HECTD4: variants seen among roughly 807,000 people sequenced by gnomAD.
HECTD4 encodes probable E3 ubiquitin-protein ligase HECTD4.
HECTD4 carries 114 observed loss-of-function variants against 471.5 expected under a neutral mutation model. The observed-to-expected ratio is 0.24, with a 90% confidence interval of 0.21 to 0.28. The LOEUF (loss-of-function observed/expected upper bound fraction) is 0.28, where lower values mean the gene tolerates loss of function less well. Ranked by LOEUF, HECTD4 falls within the 10% of genes least tolerant of loss-of-function variation. The pLI is 1.00. For missense variants in HECTD4, 3,866 were observed against 5,651.5 expected (o/e 0.68, Z 10.13); for synonymous variants, 2,012 against 2,256.0 (o/e 0.89, Z 3.07).
chr12:112,377,456 T>C lies in HECTD4; in HGVS notation c.177+4496A>G, dbSNP rs2036803767. Among the ~76,000 whole-genome samples the C allele has an allele frequency of 1.3e-5, 2 of 152,216 alleles. 1 individual carries two copies. Among genetic ancestry groups the C allele is most frequent in the South Asian group, 4.1e-4 (2 of 4,832 alleles). On this transcript the variant is annotated intron_variant, in intron 1 of 75. Coordinates refer to ENST00000682272, the MANE Select transcript of HECTD4 (RefSeq NM_001388303.1). Reference sequence around the variant, plus strand: ...AGGACAAGGATTTTATTTTATCCACTGCTATATCCCCAACATCCAGGACGG... The same window carrying C: ...AGGACAAGGATTTTATTTTATCCACCGCTATATCCCCAACATCCAGGACGG...
intron 13 of HECTD4, among the ~76,000 whole-genome samples, chr12:112,268,876 T>G (rs1198156991): frequency 7.8e-6 from 1 of 128,664 alleles, no homozygotes; most frequent in Non-Finnish European, 1.7e-5. Context: ...AGGTTTTTTT[T>G]TTTTTTTTTT....
In HECTD4 at chr12:112,163,562, T is replaced by C; in HGVS notation, c.12877A>G (p.Ile4293Val). The change falls in exon 74 of 76, where the codon ATC becomes GTC. Residue 4293 changes from isoleucine to valine, a missense_variant. Physicochemically the swap from Ile to Val is conservative, Grantham distance 29. This residue lies in a region of HECTD4 where 715 missense variants were observed against 1,087.6 expected (regional missense o/e 0.66). Coordinates refer to ENST00000682272, the MANE Select transcript of HECTD4 (RefSeq NM_001388303.1). The surrounding 1 kb of genome is among the most constrained non-coding windows in gnomAD (Gnocchi z 8.2). ...MELRTCGLPY[I>V]NLEFLKAHTM... is the part of the protein sequence containing the mutation. ...TCTACCTTGAGGAACTCGAGGTTGA[T>C]GTAGGGGAGGCCGCAGGTGCGCAGC... 1.3e-6 allele frequency: 2 copies of C among 1,487,658 alleles called. No homozygotes were observed. The highest frequency in any genetic ancestry group is 1.4e-5 in the South Asian group (1 of 73,846). The allele number at this position is 1,487,658 out of a possible 1,614,324, so 92.2% of individuals were successfully genotyped here. A position where few individuals can be genotyped will look rare whatever the true frequency, so the allele number is the denominator to read the frequency against.
chr12:112,247,028 G>C lies in HECTD4; in HGVS notation c.4386C>G (p.His1462Gln). Residue 1462 changes from histidine (H) to glutamine (Q), a missense_variant, in exon 29 of 76, where the codon CAC (histidine) becomes CAG (glutamine). His to Gln is a conservative substitution (Grantham distance 24, BLOSUM62 0). Coordinates refer to ENST00000682272, the MANE Select transcript of HECTD4 (RefSeq NM_001388303.1). ...CTAACGTCTTTGTTTTAGCCAGTGG[G>C]TGTGAGGGTTTCTGAATAAGAGAAT... ...EVNSLIQKPS[H>Q]PLAKTKTLVK... 6.2e-7 allele frequency: 1 copy of C among 1,610,840 alleles called. No homozygotes were observed. The highest frequency in any genetic ancestry group is 8.5e-7 in the Non-Finnish European group (1 of 1,179,190).
chr12:112,216,731 G>C (rs1025638045), intron 47 of HECTD4, 42 bp downstream of exon 47: 5 of 1,599,472 alleles, frequency 3.1e-6, no homozygotes, highest in African/African-American at 2.7e-5. Context: ...CCTTGTGGGA[G>C]GCTACTGCTC....
rs1220721903 is a variant in HECTD4 at position 112,229,765 on chromosome 12, T to C, written c.6452A>G (p.Gln2151Arg). 2 of 1,613,944 alleles carry C rather than the reference T, an allele frequency of 1.2e-6. No individual in the cohort carries two copies. Among genetic ancestry groups the C allele is most frequent in the Admixed American group, 1.7e-5 (1 of 60,006 alleles). The change falls in exon 41 of 76, where the codon CAG (glutamine) becomes CGG (arginine). Residue 2151 changes from glutamine to arginine, a missense_variant. Gln to Arg is a conservative substitution (Grantham distance 43, BLOSUM62 1). This residue lies in a region of HECTD4 where 617 missense variants were observed against 915.1 expected (regional missense o/e 0.67). Coordinates refer to ENST00000682272, the MANE Select transcript of HECTD4 (RefSeq NM_001388303.1). Reference protein sequence around the residue: ...KLAKLQRIARQAVAALCALGG... With the variant: ...KLAKLQRIARRAVAALCALGG... ...AAGTGCACACAGTGCGGCAACGGCC[T>C]GGCGTGCAATTCTCTGAAGTTTGGC... is the stretch of plus-strand genomic sequence containing the variant.
At chr12:112,356,232 C>G (rs2036335152) in intron 1 of HECTD4, among the ~76,000 whole-genome samples, 1 of 151,958 alleles carries the variant, frequency 6.6e-6, no homozygotes, top group African/African-American at 2.4e-5. Context: ...ATACTCTAAT[C>G]CAAAAAATAT....
At chr12:112,313,172 CAA>C in intron 3 of HECTD4, 25 bp from the exon 4 acceptor site, 2 of 1,527,734 alleles carry the variant, frequency 1.3e-6, no homozygotes, top group Non-Finnish European at 1.8e-6. Flanking sequence ...AAGAAAATCA[CAA>C]AGACACTGAG....
chr12:112,309,487 G>T (rs2035332233), intron 5 of HECTD4, 74 bp downstream of exon 5: 3 of 691,300 alleles, frequency 4.3e-6, no homozygotes. Flanking sequence ...TCTACCCACA[G>T]TGTCTTCTTC....
At chr12:112,218,427 C>T (rs1484239824) in intron 45 of HECTD4, among the ~76,000 whole-genome samples, 3 of 152,172 alleles carry the variant, frequency 2.0e-5, no homozygotes, top group Non-Finnish European at 2.9e-5. Flanking sequence ...GCCCCCACAG[C>T]TCCTGGCAAT....
chr12:112,239,196 G>A lies in HECTD4; in HGVS notation c.5146C>T (p.Leu1716Phe). 1 of 1,613,590 alleles carries A rather than the reference G, an allele frequency of 6.2e-7. No individual in the cohort carries two copies. The change falls in exon 34 of 76, where the codon CTC becomes TTC. Residue 1716 changes from leucine to phenylalanine, a missense_variant. Leu to Phe is a conservative substitution (Grantham distance 22). Around this residue, in one of 16 missense-constraint regions of HECTD4, gnomAD observed 229 missense variants for 386.4 expected, o/e 0.59. Coordinates refer to ENST00000682272, the MANE Select transcript of HECTD4 (RefSeq NM_001388303.1). This position sits in a 1 kb window ranked among gnomAD's most constrained non-coding sequence, Gnocchi z 4.9. ...CTCAAGCTACACAGTCGATCCATGA[G>A]CTGCACAAGGCCACTGCGTACCAGG... Reference protein sequence around the residue: ...KCLVRSGLVQLMDRLCSLSNQ... With the variant: ...KCLVRSGLVQFMDRLCSLSNQ...
chr12:112,327,011 T>C (rs1364219277), intron 1 of HECTD4, among the ~76,000 whole-genome samples: 3 of 152,150 alleles, frequency 2.0e-5, no homozygotes, highest in Admixed American at 6.5e-5. Context: ...GTGGGAAAGG[T>C]AGAAGCAATC....
At chr12:112,350,059 A>T (rs1447731376) in intron 1 of HECTD4, among the ~76,000 whole-genome samples, 2 of 151,886 alleles carry the variant, frequency 1.3e-5, no homozygotes, top group Non-Finnish European at 2.9e-5. Context: ...GACTCAAGTG[A>T]TTTTCCTGCC....
intron 52 of HECTD4, among the ~76,000 whole-genome samples, chr12:112,207,339 C>T (rs1371019663): frequency 8.5e-5 from 13 of 152,058 alleles, no homozygotes; most frequent in African/African-American, 2.9e-4. Context: ...GATGGGGTTT[C>T]GCCATGTTGG....
intron 48 of HECTD4, among the ~76,000 whole-genome samples, chr12:112,214,773 T>A (rs2032866814): frequency 6.6e-6 from 1 of 152,120 alleles, no homozygotes; most frequent in South Asian, 2.1e-4. Context: ...GATGTCTGAG[T>A]TATGCTTTGT....
In HECTD4 at chr12:112,182,017, C is replaced by T. The variant is rs974894509; in HGVS notation, c.10987+1042G>A. On this transcript the variant is annotated intron_variant, in intron 62 of 75. Coordinates refer to ENST00000682272, the MANE Select transcript of HECTD4 (RefSeq NM_001388303.1). ...TGAGGCAGGGAGAATTGCTTGAACC[C>T]AGGAGGTGGAAGTTGCAGTGAGCTG... 2.0e-5 allele frequency among the ~76,000 whole-genome samples: 3 copies of T among 152,134 alleles called. No homozygotes were observed. The South Asian group carries it at 6.2e-4, about 32-fold the overall frequency.
At chr12:112,334,637 C>CAAAAAA (rs869292531) in intron 1 of HECTD4, among the ~76,000 whole-genome samples, 6 of 45,254 alleles carry the variant, frequency 1.3e-4, no homozygotes, top group East Asian at 6.4e-4. Flanking sequence ...ACTAAAAATA[C>CAAAAAA]AAAAAAAAAA....
Position 112,258,526 on chromosome 12 carries a change from T to C in HECTD4, c.3098A>G (p.Asp1033Gly). The C allele has an allele frequency of 2.5e-6, 4 of 1,603,220 alleles. No homozygotes were observed. The highest frequency in any genetic ancestry group is 3.4e-6 in the Non-Finnish European group (4 of 1,175,726). The change falls in exon 20 of 76, where the codon GAC becomes GGC. Residue 1033 changes from aspartate (D) to glycine (G), a missense_variant. This residue lies in a region of HECTD4 where 525 missense variants were observed against 672.6 expected (regional missense o/e 0.78). Transcript: ENST00000682272. ...EVGCSPCGAP[D>G]QKCRLFPDER... ...ATCAGGGAACAGCCTGCACTTCTGG[T>C]CTGGTGCACCACACGGGGAACAGCC...
chr12:112,254,017 G>C (rs1008601218), intron 22 of HECTD4, 26 bp downstream of exon 22: 2 of 1,611,666 alleles, frequency 1.2e-6, no homozygotes, highest in Non-Finnish European at 1.7e-6. Flanking sequence ...TCTTTTCTAG[G>C]AAGCGATTAT....
intron 47 of HECTD4, 35 bp from the exon 48 acceptor site, chr12:112,216,406 A>C (rs775000535): frequency 1.4e-6 from 2 of 1,430,498 alleles, no homozygotes; most frequent in African/African-American, 2.8e-5. Context: ...GTCAAAGACA[A>C]GAAAGATAAG....
Sources: allele counts gnomAD v4.1 joint callset (sites outside exome capture counted in the v4.1 genomes callset), GRCh38; gene constraint gnomAD v4.1.1; regional missense constraint gnomAD v4.1.1; non-coding constraint Gnocchi (gnomAD v3.1); transcripts MANE v1.5; gene names NCBI Gene and HGNC (gene_info 2026-07-23, HGNC 2026-07-21).